OR1I1: variants seen among roughly 807,000 people sequenced by gnomAD.
OR1I1 encodes olfactory receptor family 1 subfamily I member 1.
For missense variants in OR1I1, 451 were observed against 443.6 expected, an observed-to-expected ratio of 1.02 and a Z score of -0.15; for synonymous variants, 171 against 181.4, an observed-to-expected ratio of 0.94 and a Z score of 0.46.
chr19:15,085,720 C>T (rs529922071), intron 1 of OR1I1, among the ~76,000 whole-genome samples: 7 of 152,220 alleles, frequency 4.6e-5, no homozygotes, highest in African/African-American at 1.4e-4. Flanking sequence ...TGGTAACCAC[C>T]ATTCTACTCT....
In OR1I1 at chr19:15,092,087, C is replaced by CTTTTTTTTTTTTTTTTTTTTTTTTT. The variant is rs537423650; in HGVS notation, c.*3977_*3978insTTTTTTTTTTTTTTTTTTTTTTTTT. 16 of 49,014 alleles carry CTTTTTTTTTTTTTTTTTTTTTTTTT rather than the reference C, an allele frequency of 3.3e-4. No individual in the cohort carries two copies. Among genetic ancestry groups the CTTTTTTTTTTTTTTTTTTTTTTTTT allele is most frequent in the African/African-American group, 1.5e-3 (16 of 10,740 alleles). The allele number at this position is 49,014 out of a possible 1,614,324, so 3.0% of individuals were successfully genotyped here. ...CATTTCACAAATTGGATTTAAAACG[C>CTTTTTTTTTTTTTTTTTTTTTTTTT]TTTTTTTTTTTTTTTTTTTTTTTGG... is the stretch of plus-strand genomic sequence containing the variant. On this transcript the variant is annotated 3_prime_UTR_variant, in exon 2 of 2. Transcript: ENST00000641398.
At position 15,089,756 on chromosome 19, in the gene OR1I1, G is replaced by C. The variant is rs1485518557; in HGVS notation, c.*1623G>C. 2.0e-5 allele frequency: 3 copies of C among 152,080 alleles called. No homozygotes were observed. Among genetic ancestry groups the C allele is most frequent in the Non-Finnish European group, 4.4e-5 (3 of 68,024 alleles). The allele number at this position is 152,080 out of a possible 1,614,324, so 9.4% of individuals were successfully genotyped here. A position where few individuals can be genotyped will look rare whatever the true frequency, so the allele number is the denominator to read the frequency against. ...GGAGGCTGAGACAGGAGGACCTCTT[G>C]AGCCAAGGAGGTCGAGGCTGCATGA... On this transcript the variant is annotated 3_prime_UTR_variant, in exon 2 of 2. Coordinates refer to ENST00000641398, the MANE Select transcript of OR1I1 (RefSeq NM_001004713.2).
At position 15,085,130 on chromosome 19, in the gene OR1I1, TTATATATA is replaced by T. The variant is rs775570074; in HGVS notation, c.-13-1883_-13-1876del. Among the ~76,000 whole-genome samples, 158 of 28,520 alleles carry T rather than the reference TTATATATA, an allele frequency of 5.5e-3. 4 individuals are homozygous for T. The highest frequency in any genetic ancestry group is 0.013 in the African/African-American group (132 of 10,354). The allele number at this position is 28,520 out of a possible 152,430, so 18.7% of individuals were successfully genotyped here. A position where few individuals can be genotyped will look rare whatever the true frequency, so the allele number is the denominator to read the frequency against. Reference sequence around the variant, plus strand: ...TAGGTATGTTCAATGCATTTTTGACTTATATATATATATATATATATATATATATATAT... The same window carrying T: ...TAGGTATGTTCAATGCATTTTTGACTTATATATATATATATATATATATAT... On this transcript the variant is annotated intron_variant, in intron 1 of 1. Coordinates refer to ENST00000641398, the MANE Select transcript of OR1I1 (RefSeq NM_001004713.2).
Position 15,087,836 on chromosome 19 carries a change from T to G in OR1I1, c.771T>G (p.Ala257=), listed in dbSNP as rs1333711708. 1 of 1,614,230 alleles carries G rather than the reference T, an allele frequency of 6.2e-7. No individual in the cohort carries two copies. Residue 257 remains alanine, a synonymous_variant, in exon 2 of 2, where the codon GCT becomes GCG. Transcript: ENST00000641398. ...VVSLSYGTIF[A]VYLQPTSPSS... is the part of the protein sequence containing the mutation. ...CACTGTCCTATGGGACCATCTTTGC[T>G]GTGTACTTACAGCCCACATCCCCCA...
intron 1 of OR1I1, 160 bp from the exon 2 acceptor site, chr19:15,086,893 G>T: frequency 8.8e-7 from 1 of 1,141,180 alleles, no homozygotes; most frequent in Non-Finnish European, 1.2e-6. Flanking sequence ...AGCAACAGAA[G>T]CCCACTGAAG....
At chr19:15,085,176 A>ATATATTTTTTT (rs1555717400) in intron 1 of OR1I1, among the ~76,000 whole-genome samples, 2 of 80,140 alleles carry the variant, frequency 2.5e-5, no homozygotes, top group Non-Finnish European at 4.6e-5. Context: ...ATATATATAT[A>ATATATTTTTTT]TTTTTTTTTT....
chr19:15,086,217 G>A (rs1400813888), intron 1 of OR1I1, among the ~76,000 whole-genome samples: 1 of 152,052 alleles, frequency 6.6e-6, no homozygotes, highest in African/African-American at 2.4e-5. Context: ...GGGAGGCTGA[G>A]GCACGAGAAT....
rs149878733 is a variant in OR1I1, at chr19:15,089,076, G to GTAGATAGATAGATAGA, written c.*951_*966dup. On this transcript the variant is annotated 3_prime_UTR_variant, in exon 2 of 2. Transcript: ENST00000641398. ...GGATAGATAGAGATAGAGGAGGTAG[G>GTAGATAGATAGATAGA]TAGATAGATAGATAGATAGATAGGT... is the stretch of plus-strand genomic sequence containing the variant. 7.3e-5 allele frequency: 11 copies of GTAGATAGATAGATAGA among 151,362 alleles called. No individual in the cohort carries two copies. The highest frequency in any genetic ancestry group is 2.7e-4 in the African/African-American group (11 of 41,312). The allele number at this position is 151,362 out of a possible 1,614,324, so 9.4% of individuals were successfully genotyped here.
Position 15,087,726 on chromosome 19 carries a change from A to G in OR1I1, c.661A>G (p.Ile221Val), listed in dbSNP as rs769827739. ...CTGCATCCTTCTCTCGTACATCCGC[A>G]TTTTCTGGACAGTCTTTAAGATCCC... ...FSCILLSYIR[I>V]FWTVFKIPST... Residue 221 changes from isoleucine (I) to valine (V), a missense_variant, in exon 2 of 2, where the codon ATT becomes GTT. Ile to Val is a conservative substitution (Grantham distance 29). Transcript: ENST00000641398. 1.2e-5 allele frequency: 19 copies of G among 1,614,108 alleles called. No homozygotes were observed. In the Admixed American group the frequency reaches 3.2e-4, roughly 27 times the overall value.
In OR1I1 at chr19:15,087,963, G is replaced by T. The variant is rs771177490; in HGVS notation, c.898G>T (p.Ala300Ser). 6.2e-7 allele frequency: 1 copy of T among 1,614,186 alleles called. No individual in the cohort carries two copies. Among genetic ancestry groups the T allele is most frequent in the Non-Finnish European group, 8.5e-7 (1 of 1,180,040 alleles). The change falls in exon 2 of 2, where the codon GCC becomes TCC. Residue 300 changes from alanine (A) to serine (S), a missense_variant. Ala to Ser is a moderately conservative substitution (Grantham distance 99). Coordinates refer to ENST00000641398, the MANE Select transcript of OR1I1 (RefSeq NM_001004713.2). Reference sequence around the variant, plus strand: ...CATACGGAACAAGGATATGAAGGCAGCCCTGGGGAAGCTCATCGGCAAAGT... The same window carrying T: ...CATACGGAACAAGGATATGAAGGCATCCCTGGGGAAGCTCATCGGCAAAGT... ...YSIRNKDMKA[A>S]LGKLIGKVAV... is the part of the protein sequence containing the mutation.
chr19:15,083,687 G>T (rs2046218013), intron 1 of OR1I1, among the ~76,000 whole-genome samples: 1 of 152,168 alleles, frequency 6.6e-6, no homozygotes, highest in South Asian at 2.1e-4. Flanking sequence ...TCATCGGCTG[G>T]GCGCTGAAAT....
Position 15,087,891 on chromosome 19 carries a change from C to T in OR1I1, c.826C>T (p.Leu276=). ...SSSQKDKAAA[L]MCGVFIPMLN... ...CTCCCAGAAGGACAAGGCAGCCGCC[C>T]TAATGTGTGGGGTGTTCATCCCCAT... is the stretch of plus-strand genomic sequence containing the variant. The change falls in exon 2 of 2, where the codon CTA becomes TTA. Residue 276 remains leucine, a synonymous_variant. Coordinates refer to ENST00000641398, the MANE Select transcript of OR1I1 (RefSeq NM_001004713.2). The T allele has an allele frequency of 6.2e-7, 1 of 1,614,230 alleles. No homozygotes were observed. The highest frequency in any genetic ancestry group is 1.1e-5 in the South Asian group (1 of 91,082).
chr19:15,082,383 C>G (rs1236463169), intron 1 of OR1I1, 107 bp downstream of exon 1: 1 of 152,140 alleles, frequency 6.6e-6, no homozygotes, highest in African/African-American at 2.4e-5. Flanking sequence ...GTGATGCCAT[C>G]CTGGTGAGCA....
At position 15,089,937 on chromosome 19, in the gene OR1I1, T is replaced by A. The variant is rs936504497; in HGVS notation, c.*1804T>A. Reference sequence around the variant, plus strand: ...AAGATAGGGTGTTTACAGAGGTCATTAGATTACAGTAAGGTCATTAGGTTG... The same window carrying A: ...AAGATAGGGTGTTTACAGAGGTCATAAGATTACAGTAAGGTCATTAGGTTG... On this transcript the variant is annotated 3_prime_UTR_variant, in exon 2 of 2. Coordinates refer to ENST00000641398, the MANE Select transcript of OR1I1 (RefSeq NM_001004713.2). The A allele has an allele frequency of 6.6e-5, 10 of 152,114 alleles. No homozygotes were observed. The highest frequency in any genetic ancestry group is 4.6e-4 in the Admixed American group (7 of 15,248). 9.4% of individuals were successfully genotyped at this position (152,114 alleles called of 1,614,324 possible).
Position 15,089,005 on chromosome 19 carries a change from G to A in OR1I1, c.*872G>A, listed in dbSNP as rs925530612. ...GATGAGATAGGTAGGTAGGTCAGTCGATCGATTGATCAATCGATCAACAGA... is the reference window on the plus strand; with the variant it reads ...GATGAGATAGGTAGGTAGGTCAGTCAATCGATTGATCAATCGATCAACAGA... On this transcript the variant is annotated 3_prime_UTR_variant, in exon 2 of 2. Transcript: ENST00000641398. The A allele has an allele frequency of 4.6e-5, 7 of 151,362 alleles. No homozygotes were observed. Among genetic ancestry groups the A allele is most frequent in the East Asian group, 1.9e-4 (1 of 5,140 alleles). 9.4% of individuals were successfully genotyped at this position (151,362 alleles called of 1,614,324 possible).
In OR1I1 at chr19:15,087,150, A is replaced by T; in HGVS notation, c.85A>T (p.Thr29Ser). 1.2e-6 allele frequency: 2 copies of T among 1,614,042 alleles called. No individual in the cohort carries two copies. Among genetic ancestry groups the T allele is most frequent in the South Asian group, 2.2e-5 (2 of 91,068 alleles). ...EKPEHQTLLF[T>S]MFLSTYLVTI... Reference sequence around the variant, plus strand: ...GCCAGAGCATCAGACCCTCCTCTTCACAATGTTCCTCTCCACATACCTGGT... The same window carrying T: ...GCCAGAGCATCAGACCCTCCTCTTCTCAATGTTCCTCTCCACATACCTGGT... Residue 29 changes from threonine (T) to serine (S), a missense_variant, in exon 2 of 2, where the codon ACA becomes TCA. Transcript: ENST00000641398.
At chr19:15,083,930 G>A (rs2046218947) in intron 1 of OR1I1, among the ~76,000 whole-genome samples, 2 of 152,242 alleles carry the variant, frequency 1.3e-5, no homozygotes, top group African/African-American at 2.4e-5. Context: ...GGATGTTGCA[G>A]TGAGCCGAGA....
intron 1 of OR1I1, among the ~76,000 whole-genome samples, chr19:15,085,408 G>A (rs2046226871): frequency 6.6e-6 from 1 of 151,560 alleles, no homozygotes; most frequent in African/African-American, 2.4e-5. Context: ...CTGACCTCAG[G>A]TGATCCCCCT....
Position 15,085,161 on chromosome 19 carries a change from TATATATATATATA to T in OR1I1, c.-13-1891_-13-1879del, listed in dbSNP as rs1456485142. 3.3e-3 allele frequency among the ~76,000 whole-genome samples: 160 copies of T among 48,328 alleles called. 15 individuals carry two copies. Among genetic ancestry groups the T allele is most frequent in the African/African-American group, 0.011 (94 of 8,400 alleles). 31.7% of individuals were successfully genotyped at this position (48,328 alleles called of 152,430 possible). ...ATATATATATATATATATATATATA[TATATATATATATA>T]TATTTTTTTTTTTGAGACAGAGTTT... On this transcript the variant is annotated intron_variant, in intron 1 of 1. Transcript: ENST00000641398.
Sources: allele counts gnomAD v4.1 joint callset (sites outside exome capture counted in the v4.1 genomes callset), GRCh38; gene constraint gnomAD v4.1.1; transcripts MANE v1.5; gene names NCBI Gene and HGNC (gene_info 2026-07-23, HGNC 2026-07-21).